SNAP25: variants seen among roughly 807,000 people sequenced by gnomAD.
The protein encoded by SNAP25 is synaptosome associated protein 25, also known as synaptosomal-associated protein 25.
Under a neutral mutation model 28.7 loss-of-function variants are expected in SNAP25, and 3 were observed. The ratio of observed to expected loss-of-function variants is 0.10; its 90% confidence interval spans 0.05 to 0.27. SNAP25 has a LOEUF of 0.27. SNAP25 is among the 10% of genes least tolerant of loss of function. The probability of loss-of-function intolerance (pLI) is 1.00; values close to 1 mark genes in which losing one functional copy is unlikely to be tolerated. For missense variants in SNAP25, 117 were observed against 278.7 expected, an observed-to-expected ratio of 0.42 and a Z score of 4.13; for synonymous variants, 61 against 88.1, an observed-to-expected ratio of 0.69 and a Z score of 1.72.
intron 1 of SNAP25, among the ~76,000 whole-genome samples, chr20:10,239,688 A>C (rs2122725854): frequency 6.6e-6 from 1 of 152,338 alleles, no homozygotes; most frequent in South Asian, 2.1e-4. Flanking sequence ...TGAGGTTCTA[A>C]GAAGTTACAA....
rs1600790519 is a variant in SNAP25 at position 10,299,150 on chromosome 20, A to G, written c.408-118A>G. On this transcript the variant is annotated intron_variant, in intron 6 of 7. Coordinates refer to ENST00000254976, the MANE Select transcript of SNAP25 (RefSeq NM_130811.4). ...AAATGTGTTTTTGTACTGGATGGAG[A>G]TTAAAGATAGATAAAGTTGATGCCC... 2.6e-6 allele frequency: 3 copies of G among 1,175,812 alleles called. No individual in the cohort carries two copies. In the East Asian group the frequency reaches 7.3e-5, roughly 29 times the overall value. The allele number at this position is 1,175,812 out of a possible 1,614,324, so 72.8% of individuals were successfully genotyped here.
chr20:10,279,051 T>C (rs2063739222), intron 3 of SNAP25, among the ~76,000 whole-genome samples: 1 of 152,132 alleles, frequency 6.6e-6, no homozygotes, highest in South Asian at 2.1e-4. Flanking sequence ...AGGTCCTCAG[T>C]ATAGGGAAGC....
chr20:10,232,261 G>A (rs1488541590), intron 1 of SNAP25, among the ~76,000 whole-genome samples: 2 of 152,160 alleles, frequency 1.3e-5, no homozygotes, highest in African/African-American at 4.8e-5. Flanking sequence ...CTGTATCCTC[G>A]ATTCAAAAAT....
At chr20:10,291,808 GA>G (rs1178937765) in intron 4 of SNAP25, among the ~76,000 whole-genome samples, 24 of 152,204 alleles carry the variant, frequency 1.6e-4, no homozygotes, top group Admixed American at 1.4e-3. Context: ...ATGAAAAGAG[GA>G]ATGGAAATGT....
chr20:10,290,809 C>G (rs2063980822), intron 4 of SNAP25, among the ~76,000 whole-genome samples: 1 of 152,170 alleles, frequency 6.6e-6, no homozygotes, highest in Non-Finnish European at 1.5e-5. Context: ...CTCCTCCAAT[C>G]CATCTCAAGC....
At chr20:10,260,598 A>T (rs1179865389) in intron 1 of SNAP25, among the ~76,000 whole-genome samples, 1 of 152,124 alleles carries the variant, frequency 6.6e-6, no homozygotes, top group African/African-American at 2.4e-5. Context: ...AACAAGTGCT[A>T]CCCATGAGAA....
chr20:10,245,540 G>A (rs1381791612), intron 1 of SNAP25, among the ~76,000 whole-genome samples: 1 of 152,160 alleles, frequency 6.6e-6, no homozygotes, highest in South Asian at 2.1e-4. Flanking sequence ...ATTTCAAACT[G>A]GGGGGTCTAA....
chr20:10,239,404 G>A (rs1030424952), intron 1 of SNAP25, among the ~76,000 whole-genome samples: 7 of 152,208 alleles, frequency 4.6e-5, no homozygotes, highest in African/African-American at 1.4e-4. Context: ...ACTATATTTG[G>A]ACAGAGTGGG....
At chr20:10,288,760 GT>G (rs2063934487) in intron 4 of SNAP25, among the ~76,000 whole-genome samples, 2 of 151,942 alleles carry the variant, frequency 1.3e-5, no homozygotes, top group South Asian at 4.2e-4. Context: ...CCGAAAGTAG[GT>G]GGTTTCTGGC....
chr20:10,267,924 A>C (rs1391778992), intron 1 of SNAP25, among the ~76,000 whole-genome samples: 1 of 152,196 alleles, frequency 6.6e-6, no homozygotes, highest in African/African-American at 2.4e-5. Flanking sequence ...CTATGAAAAT[A>C]TGTTTTTTAA....
chr20:10,260,720 C>A (rs1473269155), intron 1 of SNAP25, among the ~76,000 whole-genome samples: 1 of 145,804 alleles, frequency 6.9e-6, no homozygotes, highest in African/African-American at 2.6e-5. Flanking sequence ...CACACACACA[C>A]ACAAACACAC....
At chr20:10,254,918 C>G (rs927998057) in intron 1 of SNAP25, among the ~76,000 whole-genome samples, 1 of 152,172 alleles carries the variant, frequency 6.6e-6, no homozygotes, top group African/African-American at 2.4e-5. Flanking sequence ...TCTAGCTTCC[C>G]TCTTCAGCTC....
At chr20:10,231,499 C>G (rs1470933977) in intron 1 of SNAP25, 2 of 152,340 alleles carry the variant, frequency 1.3e-5, no homozygotes, top group African/African-American at 2.4e-5. Flanking sequence ...CTGCCTCCAT[C>G]TCTTCCAAAT....
At chr20:10,291,671 G>T (rs1473439239) in intron 4 of SNAP25, among the ~76,000 whole-genome samples, 1 of 152,184 alleles carries the variant, frequency 6.6e-6, no homozygotes, top group African/African-American at 2.4e-5. Context: ...AATTTCCACT[G>T]TATAACTTAA....
At chr20:10,257,796 T>C (rs1293884224) in intron 1 of SNAP25, among the ~76,000 whole-genome samples, 1 of 150,140 alleles carries the variant, frequency 6.7e-6, no homozygotes, top group Non-Finnish European at 1.5e-5. Flanking sequence ...GGCAGGAGAA[T>C]TGCATGAACC....
At chr20:10,245,982 A>T (rs2063120116) in intron 1 of SNAP25, among the ~76,000 whole-genome samples, 2 of 152,236 alleles carry the variant, frequency 1.3e-5, no homozygotes, top group Non-Finnish European at 2.9e-5. Context: ...GAAGTCTGAG[A>T]CTTCAAAGCT....
At chr20:10,237,035 G>A (rs1158139130) in intron 1 of SNAP25, among the ~76,000 whole-genome samples, 7 of 152,180 alleles carry the variant, frequency 4.6e-5, no homozygotes, top group African/African-American at 7.2e-5. Context: ...GTCCTAGGTT[G>A]AGCCCTCCCA....
At chr20:10,241,316 T>G (rs1039737336) in intron 1 of SNAP25, among the ~76,000 whole-genome samples, 3 of 152,118 alleles carry the variant, frequency 2.0e-5, no homozygotes, top group Non-Finnish European at 4.4e-5. Context: ...CTCATCACCC[T>G]CATCATCTTC....
At chr20:10,220,289 T>C (rs957676559) in intron 1 of SNAP25, among the ~76,000 whole-genome samples, 2 of 152,232 alleles carry the variant, frequency 1.3e-5, no homozygotes, top group Non-Finnish European at 2.9e-5. Context: ...AAAACACATA[T>C]CTGAGAAATT....
Sources: gnomAD v4.1 joint callset for allele counts (sites outside exome capture counted in the v4.1 genomes callset) on GRCh38, gnomAD v4.1.1 for gene constraint, MANE v1.5 for transcripts, NCBI Gene and HGNC (gene_info 2026-07-23, HGNC 2026-07-21) for gene names.